The following MAP7D2 variants were observed in gnomAD, a reference collection of about 807,000 sequenced individuals.
MAP7D2 encodes the protein MAP7 domain containing 2.
In MAP7D2, 33 loss-of-function variants were observed where a neutral mutation model predicts 63.5. The observed-to-expected ratio is 0.52, with a 90% CI of 0.39 to 0.70. The LOEUF (loss-of-function observed/expected upper bound fraction) is 0.70. MAP7D2 is among the 30% of genes least tolerant of loss of function. The pLI is 0.00. For missense variants in MAP7D2, 626 were observed against 604.0 expected (o/e 1.04, Z -0.38); for synonymous variants, 224 against 223.7 (o/e 1.00, Z -0.01).
Position 20,007,244 on chromosome X carries a change from T to G in MAP7D2, c.*1181A>C, listed in dbSNP as rs1247620464. The G allele has an allele frequency of 1.8e-5, 2 of 112,583 alleles. No individual in the cohort carries two copies. The highest frequency in any genetic ancestry group is 6.5e-5 in the African/African-American group (2 of 30,930). The allele number at this position is 112,583 out of a possible 1,213,427, so 9.3% of individuals were successfully genotyped here. On this transcript the variant is annotated 3_prime_UTR_variant, in exon 17 of 17. Transcript: ENST00000379643. ...CTGAGACTTCTTTGTATCTCCTGGTTGCAAACCTCTCTCAGAATTATGAAT... is the reference window on the plus strand; with the variant it reads ...CTGAGACTTCTTTGTATCTCCTGGTGGCAAACCTCTCTCAGAATTATGAAT...
In MAP7D2 at chrX:20,006,940, C is replaced by T. The variant is rs1445949344; in HGVS notation, c.*1485G>A. On this transcript the variant is annotated 3_prime_UTR_variant, in exon 17 of 17. Transcript: ENST00000379643. ...TGCAAATGAGGCATCACCATGGTCA[C>T]AATGGTGCTGTGAGGTACAACAAAT... 1 of 112,233 alleles carries T rather than the reference C, an allele frequency of 8.9e-6. No individual in the cohort carries two copies. Among genetic ancestry groups the T allele is most frequent in the Non-Finnish European group, 1.9e-5 (1 of 53,285 alleles). The allele number at this position is 112,233 out of a possible 1,213,427, so 9.2% of individuals were successfully genotyped here.
chrX:20,095,572 CAAACAT>C (rs2066235116), intron 1 of MAP7D2, among the ~76,000 whole-genome samples: 1 of 110,339 alleles, frequency 9.1e-6, no homozygotes, highest in Non-Finnish European at 1.9e-5. Flanking sequence ...AAAACAGGGT[CAAACAT>C]AGCATTTCTA....
At chrX:20,116,415 C>T (rs1365266741) in intron 1 of MAP7D2, 7 of 278,180 alleles carry the variant, frequency 2.5e-5, no homozygotes, top group Non-Finnish European at 3.0e-5. Context: ...CCTAACGACC[C>T]CCATGCCGGC....
At chrX:20,040,174 C>T (rs2064615802) in intron 8 of MAP7D2, among the ~76,000 whole-genome samples, 1 of 111,007 alleles carries the variant, frequency 9.0e-6, no homozygotes, top group Admixed American at 9.6e-5. Flanking sequence ...GCTGCACTGT[C>T]GGCTTCCCTA....
At chrX:20,015,350 G>A (rs750393920) in intron 11 of MAP7D2, 23 bp from the exon 12 acceptor site, 2 of 1,147,419 alleles carry the variant, frequency 1.7e-6, no homozygotes, top group Admixed American at 2.2e-5. Context: ...GGTAAATCAA[G>A]GCAAAGCTTT....
intron 1 of MAP7D2, among the ~76,000 whole-genome samples, chrX:20,092,499 G>A (rs751575854): frequency 8.9e-6 from 1 of 111,840 alleles, no homozygotes; most frequent in South Asian, 3.8e-4. Context: ...CCGTTCACAA[G>A]ATAGTATACA....
intron 8 of MAP7D2, among the ~76,000 whole-genome samples, chrX:20,033,394 G>A (rs762576345): frequency 2.7e-5 from 3 of 112,052 alleles, no homozygotes; most frequent in Non-Finnish European, 5.6e-5. Context: ...AAGAGGTAGA[G>A]ATGGGCTGGA....
At chrX:20,057,203 T>C (rs948010885) in intron 3 of MAP7D2, among the ~76,000 whole-genome samples, 1 of 112,708 alleles carries the variant, frequency 8.9e-6, no homozygotes, top group Non-Finnish European at 1.9e-5. Flanking sequence ...TTAATGCAAA[T>C]ATAATTTGAG....
At chrX:20,026,300 G>T (rs1375496719) in intron 8 of MAP7D2, among the ~76,000 whole-genome samples, 1 of 111,388 alleles carries the variant, frequency 9.0e-6, no homozygotes, top group Non-Finnish European at 1.9e-5. Context: ...TCAGCATATG[G>T]CAATGAACAT....
intron 1 of MAP7D2, among the ~76,000 whole-genome samples, chrX:20,114,100 G>A (rs1014103951): frequency 1.8e-5 from 2 of 111,828 alleles, no homozygotes; most frequent in Non-Finnish European, 1.9e-5. Flanking sequence ...GTGGCGCGAG[G>A]TCAGCTCACT....
chrX:20,048,031 A>G (rs1355668803), intron 6 of MAP7D2, among the ~76,000 whole-genome samples: 4 of 110,893 alleles, frequency 3.6e-5, no homozygotes, highest in African/African-American at 1.3e-4. Context: ...ACCTTGGCCA[A>G]GGGTCAAGTG....
At chrX:20,103,914 C>G (rs140585973) in intron 1 of MAP7D2, among the ~76,000 whole-genome samples, 2,187 of 111,469 alleles carry the variant, frequency 0.02, 58 homozygotes, top group African/African-American at 0.068. Flanking sequence ...GATTTTTAAG[C>G]AGTAAAGATA....
At chrX:20,114,164 C>G (rs1391394579) in intron 1 of MAP7D2, among the ~76,000 whole-genome samples, 1 of 112,233 alleles carries the variant, frequency 8.9e-6, no homozygotes, top group Non-Finnish European at 1.9e-5. Flanking sequence ...TCCCAAGTAG[C>G]TACGATTACA....
At chrX:20,023,669 G>A (rs1393753958) in intron 10 of MAP7D2, among the ~76,000 whole-genome samples, 2 of 111,649 alleles carry the variant, frequency 1.8e-5, no homozygotes, top group African/African-American at 6.5e-5. Flanking sequence ...ACCTTCTTTA[G>A]CACACGACTA....
At chrX:20,086,775 G>A in intron 1 of MAP7D2, among the ~76,000 whole-genome samples, 1 of 111,001 alleles carries the variant, frequency 9.0e-6, no homozygotes, top group South Asian at 3.9e-4. Flanking sequence ...CTGTTTTTTT[G>A]TTTTGTTTTG....
chrX:20,055,708 T>C (rs1603377791), intron 4 of MAP7D2: 2 of 868,133 alleles, frequency 2.3e-6, no homozygotes, highest in African/African-American at 2.1e-5. Flanking sequence ...CACAAAATGC[T>C]ATGGCACAGT....
intron 3 of MAP7D2, among the ~76,000 whole-genome samples, chrX:20,060,452 A>G (rs886667781): frequency 1.1e-4 from 11 of 104,566 alleles, no homozygotes; most frequent in Non-Finnish European, 7.8e-5. Context: ...GAAAGAAAGA[A>G]AGAAAGAAAG....
At position 20,007,441 on chromosome X, in the gene MAP7D2, T is replaced by A. The variant is rs1400683122; in HGVS notation, c.*984A>T. 1 of 112,187 alleles carries A rather than the reference T, an allele frequency of 8.9e-6. No individual in the cohort carries two copies. Among genetic ancestry groups the A allele is most frequent in the Non-Finnish European group, 1.9e-5 (1 of 53,183 alleles). 9.2% of individuals were successfully genotyped at this position (112,187 alleles called of 1,213,427 possible). The stretch of plus-strand genomic sequence containing the variant: ...TAGTGTCATTTTTCCCATTCAGATT[T>A]TTTCTTGAAGTCCATTAAAGTGACA... On this transcript the variant is annotated 3_prime_UTR_variant, in exon 17 of 17. Transcript: ENST00000379643.
intron 11 of MAP7D2, 108 bp from the exon 12 acceptor site, chrX:20,015,435 G>A: frequency 1.7e-6 from 1 of 597,666 alleles, no homozygotes; most frequent in South Asian, 2.6e-5. Flanking sequence ...GCCCTAAAGT[G>A]GATGCTGCTC....
Sources: allele counts gnomAD v4.1 joint callset (sites outside exome capture counted in the v4.1 genomes callset), GRCh38; gene constraint gnomAD v4.1.1; transcripts MANE v1.5; gene names NCBI Gene and HGNC (gene_info 2026-07-23, HGNC 2026-07-21).